Variants in CAMTA1 observed in about 807,000 individuals in gnomAD.
CAMTA1 encodes the protein calmodulin binding transcription activator 1, also known as calmodulin-binding transcription activator 1.
In CAMTA1, 27 loss-of-function variants were observed where a neutral mutation model predicts 170.9. The observed-to-expected ratio is 0.16, with a 90% CI of 0.12 to 0.22. The LOEUF (loss-of-function observed/expected upper bound fraction) is 0.22, where lower values mean the gene tolerates loss of function less well. Among genes scored for constraint, CAMTA1 ranks in the 10% least tolerant of loss-of-function variants. CAMTA1 has a pLI of 1.00. For synonymous variants in CAMTA1, 833 were observed against 891.5 expected (o/e 0.93, Z 1.17); for missense variants, 1,619 against 2,217.2 (o/e 0.73, Z 5.42).
At chr1:7,361,874 T>C (rs2085566371) in intron 5 of CAMTA1, among the ~76,000 whole-genome samples, 1 of 152,214 alleles carries the variant, frequency 6.6e-6, no homozygotes, top group Admixed American at 6.5e-5. Context: ...TTTCCTCTCT[T>C]TCTGCACCTG....
At chr1:7,574,454 G>A (rs2095165732) in intron 6 of CAMTA1, among the ~76,000 whole-genome samples, 1 of 152,200 alleles carries the variant, frequency 6.6e-6, no homozygotes, top group Admixed American at 6.5e-5. Context: ...GTGCAGGGAT[G>A]CTCCCTGGCC....
chr1:7,356,572 C>T (rs1217891625), intron 5 of CAMTA1, among the ~76,000 whole-genome samples: 2 of 152,210 alleles, frequency 1.3e-5, no homozygotes, highest in Non-Finnish European at 2.9e-5. Flanking sequence ...CCGCCTCCTC[C>T]TCCAGTCTCT....
At chr1:7,557,277 C>T (rs1042792577) in intron 6 of CAMTA1, among the ~76,000 whole-genome samples, 2 of 151,294 alleles carry the variant, frequency 1.3e-5, no homozygotes, top group South Asian at 4.2e-4. Context: ...CACTGCACTC[C>T]AGCCTGGGCG....
At chr1:7,578,482 T>C (rs1301529371) in intron 6 of CAMTA1, among the ~76,000 whole-genome samples, 3 of 152,204 alleles carry the variant, frequency 2.0e-5, no homozygotes, top group East Asian at 1.9e-4. Flanking sequence ...CAGATGCCAC[T>C]GGGGAAGGGC....
intron 5 of CAMTA1, among the ~76,000 whole-genome samples, chr1:7,466,051 A>T (rs1480142783): frequency 6.6e-6 from 1 of 152,240 alleles, no homozygotes; most frequent in Non-Finnish European, 1.5e-5. Flanking sequence ...CACATGAGTC[A>T]AAGTAATGAA....
intron 6 of CAMTA1, among the ~76,000 whole-genome samples, chr1:7,504,995 G>A (rs534912696): frequency 7.1e-4 from 106 of 149,314 alleles, no homozygotes; most frequent in African/African-American, 2.1e-3. Flanking sequence ...TCAGTGTAGC[G>A]CACAGCCTCC....
chr1:6,914,458 A>G (rs752882216), intron 3 of CAMTA1, among the ~76,000 whole-genome samples: 4 of 152,200 alleles, frequency 2.6e-5, no homozygotes, highest in Non-Finnish European at 5.9e-5. Flanking sequence ...AACAGATGCT[A>G]TATAAGGCTT....
chr1:6,823,265 G>A (rs1303095753), intron 2 of CAMTA1, among the ~76,000 whole-genome samples: 2 of 152,070 alleles, frequency 1.3e-5, no homozygotes, highest in African/African-American at 2.4e-5. Context: ...AACCTCCCTC[G>A]GGAGGATGAA....
At chr1:6,828,382 C>G (rs1570562727) in intron 3 of CAMTA1, among the ~76,000 whole-genome samples, 1 of 150,232 alleles carries the variant, frequency 6.7e-6, no homozygotes, top group South Asian at 2.1e-4. Flanking sequence ...ACCTCCGCCT[C>G]CCGGGTTCAA....
At chr1:6,889,727 T>C (rs553412847) in intron 3 of CAMTA1, among the ~76,000 whole-genome samples, 1 of 152,328 alleles carries the variant, frequency 6.6e-6, no homozygotes, top group Non-Finnish European at 1.5e-5. Flanking sequence ...ATATTGTGTG[T>C]GTGTAGAAGA....
intron 3 of CAMTA1, among the ~76,000 whole-genome samples, chr1:6,950,225 C>T (rs557803300): frequency 3.9e-4 from 59 of 152,334 alleles, no homozygotes; most frequent in Non-Finnish European, 7.3e-4. Flanking sequence ...CTTCTCAACA[C>T]GCCCTTGCTT....
intron 11 of CAMTA1, among the ~76,000 whole-genome samples, chr1:7,701,459 A>G (rs907318180): frequency 6.6e-6 from 1 of 152,076 alleles, no homozygotes; most frequent in Non-Finnish European, 1.5e-5. Context: ...TCTGTTGCCC[A>G]GGCTGGAATG....
At chr1:7,273,798 T>C (rs1670193902) in intron 5 of CAMTA1, among the ~76,000 whole-genome samples, 1 of 152,136 alleles carries the variant, frequency 6.6e-6, no homozygotes, top group Non-Finnish European at 1.5e-5. Flanking sequence ...AGTAATAACA[T>C]TATATAGAAG....
rs116946116 is a variant in CAMTA1, at chr1:7,044,374, G to A, written c.235-46930G>A. On this transcript the variant is annotated intron_variant, in intron 3 of 22. Transcript: ENST00000303635. The surrounding 1 kb of genome is among the most constrained non-coding windows in gnomAD (Gnocchi z 5.0). Reference sequence around the variant, plus strand: ...GAGCAGTGCCGCTGGGGACCCTGGGGACTCACAGCAGTACTGCTGGGGACG... The same window carrying A: ...GAGCAGTGCCGCTGGGGACCCTGGGAACTCACAGCAGTACTGCTGGGGACG... 0.015 allele frequency among the ~76,000 whole-genome samples: 2,213 copies of A among 151,310 alleles called. 149 individuals are homozygous for A. Among genetic ancestry groups the A allele is most frequent in the Admixed American group, 0.11 (1,741 of 15,244 alleles).
At chr1:7,422,789 C>A (rs1327295290) in intron 5 of CAMTA1, among the ~76,000 whole-genome samples, 1 of 152,104 alleles carries the variant, frequency 6.6e-6, no homozygotes, top group African/African-American at 2.4e-5. Context: ...ACACAGGGCT[C>A]CCTGCAGTCC....
chr1:7,758,057 A>G (rs1226507917), intron 22 of CAMTA1, among the ~76,000 whole-genome samples: 1 of 152,142 alleles, frequency 6.6e-6, no homozygotes, highest in African/African-American at 2.4e-5. Flanking sequence ...CTTTCTTTCC[A>G]TTTTAAAAAA....
In CAMTA1 at chr1:7,254,075, CATG is replaced by C. The variant is rs1339254328; in HGVS notation, c.438+4451_438+4453del. 2.0e-5 allele frequency among the ~76,000 whole-genome samples: 3 copies of C among 152,088 alleles called. No homozygotes were observed. In the East Asian group the frequency reaches 5.8e-4, roughly 29 times the overall value. The stretch of plus-strand genomic sequence containing the variant: ...GGCCGACTTGGCCTGAAGGAAGTGA[CATG>C]AGCATAAGGAAGTGGGGTGCGGTGG... On this transcript the variant is annotated intron_variant, in intron 5 of 22. Transcript: ENST00000303635.
At chr1:7,670,825 A>C in intron 9 of CAMTA1, 86 bp from the exon 10 acceptor site, 2 of 1,485,048 alleles carry the variant, frequency 1.3e-6, no homozygotes, top group Non-Finnish European at 1.9e-6. Context: ...CCCCCATCTG[A>C]GCAGTGAAGC....
At chr1:7,687,720 G>A (rs1014328211) in intron 11 of CAMTA1, among the ~76,000 whole-genome samples, 84 of 152,190 alleles carry the variant, frequency 5.5e-4, no homozygotes, top group African/African-American at 1.6e-3. Context: ...CTGTGTCCCT[G>A]GGCTCGTGGA....
Sources: allele counts gnomAD v4.1 joint callset (sites outside exome capture counted in the v4.1 genomes callset), GRCh38; gene constraint gnomAD v4.1.1; non-coding constraint Gnocchi (gnomAD v3.1); transcripts MANE v1.5; gene names NCBI Gene and HGNC (gene_info 2026-07-23, HGNC 2026-07-21).